PPP1R9A: variants seen among roughly 807,000 people sequenced by gnomAD.
PPP1R9A encodes protein phosphatase 1 regulatory subunit 9A.
In PPP1R9A, 59 loss-of-function variants were observed where a neutral mutation model predicts 141.9. The observed-to-expected ratio is 0.42, with a 90% CI of 0.34 to 0.52. The LOEUF (loss-of-function observed/expected upper bound fraction) is 0.52, where lower values mean the gene tolerates loss of function less well. Among genes scored for constraint, PPP1R9A ranks in the 20% least tolerant of loss-of-function variants. The pLI, the probability that PPP1R9A is intolerant of heterozygous loss-of-function variation, is 0.10. For synonymous variants in PPP1R9A, 500 were observed against 569.7 expected, an observed-to-expected ratio of 0.88 and a Z score of 1.74; for missense variants, 1,444 against 1,611.9, an observed-to-expected ratio of 0.90 and a Z score of 1.78.
At chr7:94,966,536 T>G (rs1369971430) in intron 2 of PPP1R9A, among the ~76,000 whole-genome samples, 5 of 152,240 alleles carry the variant, frequency 3.3e-5, no homozygotes, top group Non-Finnish European at 5.9e-5. Flanking sequence ...GGGTGTTGAA[T>G]TTTATTGAAG....
chr7:95,089,957 A>T (rs1445034093), intron 2 of PPP1R9A, among the ~76,000 whole-genome samples: 1 of 151,922 alleles, frequency 6.6e-6, no homozygotes, highest in Non-Finnish European at 1.5e-5. Flanking sequence ...GTTTCTCAGC[A>T]TGAGCAGTAG....
chr7:94,965,111 T>A (rs944196346), intron 2 of PPP1R9A, among the ~76,000 whole-genome samples: 2 of 152,182 alleles, frequency 1.3e-5, no homozygotes, highest in African/African-American at 4.8e-5. Flanking sequence ...TGCAAAAATA[T>A]CTTCTTTTGA....
chr7:95,013,633 A>G (rs942602998), intron 2 of PPP1R9A, among the ~76,000 whole-genome samples: 1 of 152,174 alleles, frequency 6.6e-6, no homozygotes, highest in Admixed American at 6.6e-5. Context: ...TTTGATCCCC[A>G]GTTTAGTAAC....
In PPP1R9A at chr7:95,181,475, T is replaced by G. The variant is rs959927697; in HGVS notation, c.1755-16874T>G. On this transcript the variant is annotated intron_variant, in intron 5 of 19. Transcript: ENST00000433360. ...ATATAGAATATATATAGAGAATATA[T>G]ATATTCCATCATATATATAGAATAT... 4.4e-4 allele frequency among the ~76,000 whole-genome samples: 61 copies of G among 137,792 alleles called. 1 individual carries two copies. The highest frequency in any genetic ancestry group is 1.6e-3 in the African/African-American group (59 of 37,808). 90.4% of individuals were successfully genotyped at this position (137,792 alleles called of 152,430 possible). A position where few individuals can be genotyped will look rare whatever the true frequency, so the allele number is the denominator to read the frequency against.
At chr7:95,231,151 CAA>C (rs926135217) in intron 8 of PPP1R9A, among the ~76,000 whole-genome samples, 10 of 151,938 alleles carry the variant, frequency 6.6e-5, no homozygotes, top group African/African-American at 2.2e-4. Context: ...TAAAAAAAGA[CAA>C]AGAGAGAAAT....
chr7:95,203,763 G>A (rs1271229049), intron 7 of PPP1R9A, 33 bp downstream of exon 7: 1 of 1,388,120 alleles, frequency 7.2e-7, no homozygotes, highest in Non-Finnish European at 9.8e-7. Context: ...ATGCTTACCT[G>A]TACTTTCCTG....
At chr7:95,281,535 A>G (rs1365752446) in intron 16 of PPP1R9A, among the ~76,000 whole-genome samples, 1 of 152,196 alleles carries the variant, frequency 6.6e-6, no homozygotes, top group African/African-American at 2.4e-5. Context: ...ATTAGTCTTG[A>G]ATATTTTTCT....
intron 2 of PPP1R9A, among the ~76,000 whole-genome samples, chr7:94,977,967 T>C (rs978580353): frequency 3.3e-5 from 5 of 151,742 alleles, no homozygotes; most frequent in Non-Finnish European, 7.4e-5. Flanking sequence ...TTCACCATAT[T>C]GGCCAGGCTG....
At chr7:95,190,558 G>A (rs1835348669) in intron 5 of PPP1R9A, among the ~76,000 whole-genome samples, 1 of 152,212 alleles carries the variant, frequency 6.6e-6, no homozygotes, top group Non-Finnish European at 1.5e-5. Context: ...GGTTTGCTGG[G>A]ATTTTGCAGG....
intron 2 of PPP1R9A, among the ~76,000 whole-genome samples, chr7:95,045,402 T>C (rs1809860072): frequency 1.3e-5 from 2 of 152,212 alleles, no homozygotes; most frequent in African/African-American, 2.4e-5. Flanking sequence ...TTCCCATCTC[T>C]TAGGGTGGGC....
At chr7:95,233,960 G>A (rs1404618415) in intron 8 of PPP1R9A, among the ~76,000 whole-genome samples, 3 of 152,088 alleles carry the variant, frequency 2.0e-5, no homozygotes, top group African/African-American at 4.8e-5. Context: ...GCAGAAAAAA[G>A]CATTTGACAG....
rs572539821 is a variant in PPP1R9A, at chr7:95,257,840, A to G, written c.2665+5710A>G. ...CTTCATCCATGTCCCTGCAAAGGAC[A>G]TGAACTCATCATTTTTTATGGCTGC... On this transcript the variant is annotated intron_variant, in intron 12 of 19. Transcript: ENST00000433360. 1.5e-3 allele frequency among the ~76,000 whole-genome samples: 232 copies of G among 152,316 alleles called. 2 individuals carry two copies. The highest frequency in any genetic ancestry group is 6.8e-3 in the Middle Eastern group (2 of 294).
intron 12 of PPP1R9A, among the ~76,000 whole-genome samples, chr7:95,264,066 C>T (rs1800871655): frequency 1.3e-5 from 2 of 152,178 alleles, no homozygotes; most frequent in African/African-American, 4.8e-5. Flanking sequence ...CAAGGAACAA[C>T]TCCAGGTCTA....
intron 2 of PPP1R9A, among the ~76,000 whole-genome samples, chr7:94,985,374 T>C (rs546348478): frequency 1.6e-4 from 24 of 152,296 alleles, no homozygotes; most frequent in African/African-American, 5.5e-4. Context: ...GTCCTGGATA[T>C]CCTTGTTAAC....
chr7:95,291,720 A>T lies in PPP1R9A; in HGVS notation c.*1417A>T, dbSNP rs962419710. The T allele has an allele frequency of 6.6e-6, 1 of 152,194 alleles. No individual in the cohort carries two copies. The highest frequency in any genetic ancestry group is 2.4e-5 in the African/African-American group (1 of 41,456). The allele number at this position is 152,194 out of a possible 1,614,324, so 9.4% of individuals were successfully genotyped here. A position where few individuals can be genotyped will look rare whatever the true frequency, so the allele number is the denominator to read the frequency against. On this transcript the variant is annotated 3_prime_UTR_variant, in exon 20 of 20. Transcript: ENST00000433360. ...GAGGTTATCCACTTTCCAAAGGACA[A>T]GTTTCAGAATAAGACTTGAGGCCAC...
chr7:95,230,986 A>G (rs1795842333), intron 8 of PPP1R9A, among the ~76,000 whole-genome samples: 1 of 152,180 alleles, frequency 6.6e-6, no homozygotes, highest in Non-Finnish European at 1.5e-5. Context: ...GAATTCACCA[A>G]TCAAGTTTCT....
intron 3 of PPP1R9A, among the ~76,000 whole-genome samples, chr7:95,113,405 C>T (rs1285338809): frequency 6.6e-6 from 1 of 152,114 alleles, no homozygotes; most frequent in Non-Finnish European, 1.5e-5. Context: ...TTAGGAAGAA[C>T]TTATCCATTT....
intron 2 of PPP1R9A, among the ~76,000 whole-genome samples, chr7:95,072,803 A>G (rs1172568555): frequency 1.1e-5 from 1 of 91,946 alleles, no homozygotes; most frequent in African/African-American, 4.6e-5. Context: ...TATATTTATA[A>G]TTATTATATA....
At position 95,288,549 on chromosome 7, in the gene PPP1R9A, G is replaced by C; in HGVS notation, c.3743G>C (p.Gly1248Ala). The C allele has an allele frequency of 1.9e-6, 3 of 1,613,870 alleles. No individual in the cohort carries two copies. The highest frequency in any genetic ancestry group is 2.5e-6 in the Non-Finnish European group (3 of 1,179,912). ...ALSSDEILDD[G>A]QSPKHSQCQN... ...TTCCTATCTTAGATCCTTGATGATG[G>C]ACAGTCTCCCAAACACAGTCAGTGT... is the stretch of plus-strand genomic sequence containing the variant. Residue 1248 changes from glycine (G) to alanine (A), a missense_variant, in exon 19 of 20, where the codon GGA becomes GCA. Physicochemically the swap from Gly to Ala is moderately conservative, Grantham distance 60. This residue lies in a region of PPP1R9A where 459 missense variants were observed against 513.8 expected (regional missense o/e 0.89). Coordinates refer to ENST00000433360, the MANE Select transcript of PPP1R9A (RefSeq NM_001166160.2).
Sources: gnomAD v4.1 joint callset for allele counts (sites outside exome capture counted in the v4.1 genomes callset) on GRCh38, gnomAD v4.1.1 for gene constraint, gnomAD v4.1.1 regional missense constraint, MANE v1.5 for transcripts, NCBI Gene and HGNC (gene_info 2026-07-23, HGNC 2026-07-21) for gene names.